Variants in IL25 observed in about 807,000 individuals in gnomAD.
The protein encoded by IL25 is interleukin-25.
Under a neutral mutation model 13.2 loss-of-function variants are expected in IL25, and 10 were observed. That is an observed-to-expected ratio of 0.76 (90% CI 0.47 to 1.29). IL25 has a LOEUF of 1.29. Ranked by LOEUF, IL25 falls within the 50% of genes most tolerant of loss-of-function variation. The pLI is 0.00. For missense variants in IL25, 235 were observed against 232.4 expected (o/e 1.01, Z -0.07); for synonymous variants, 107 against 92.1 (o/e 1.16, Z -0.93).
exon 2 of IL25, chr14:23,376,256 A>G: frequency 4.0e-6 from 1 of 247,794 alleles, no homozygotes; most frequent in African/African-American, 2.3e-5. Flanking sequence ...CCCTGGTTTT[A>G]TTTGTTTGTT....
chr14:23,376,129 G>A (rs1890552273), exon 2 of IL25: 2 of 535,418 alleles, frequency 3.7e-6, no homozygotes, highest in African/African-American at 1.9e-5. Context: ...GGTTTTCAAA[G>A]TTCTGCCCAT....
chr14:23,373,485 C>A, intron 1 of IL25, 89 bp downstream of exon 2: 2 of 1,171,212 alleles, frequency 1.7e-6, no homozygotes, highest in Non-Finnish European at 2.4e-6. Flanking sequence ...CTTACTTTCC[C>A]ATTTTGATCT....
chr14:23,374,732 T>TTCTTTC (rs1555331961), intron 1 of IL25, among the ~76,000 whole-genome samples: 23 of 72,214 alleles, frequency 3.2e-4, no homozygotes, highest in African/African-American at 1.5e-3. Context: ...CTTTCTTTCT[T>TTCTTTC]TTTTTTTTTT....
chr14:23,374,269 G>A (rs1209216312), intron 1 of IL25, among the ~76,000 whole-genome samples: 2 of 152,124 alleles, frequency 1.3e-5, no homozygotes, highest in African/African-American at 4.8e-5. Flanking sequence ...TAGGGGAGGC[G>A]GGTGCCAGAG....
exon 1 of IL25, chr14:23,373,197 G>A: frequency 6.2e-7 from 1 of 1,614,226 alleles, no homozygotes; most frequent in Non-Finnish European, 8.5e-7. Context: ...CTTGGCAATG[G>A]TCATGGGAAC....
At position 23,375,832 on chromosome 14, in the gene IL25, C is replaced by A. The variant is rs199941252; in HGVS notation, c.486C>A (p.Tyr162Ter). ...GCTACTGCCTGGAGCGCAGGCTGTA[C>A]CGTGTTTCCTTAGCTTGTGTGTGTG... The change falls in exon 2 of 2, where the codon TAC becomes TAA. Residue 162 changes from tyrosine (Y) to a stop codon, truncating the protein, a stop_gained. Transcript: ENST00000329715. LOFTEE classifies it high-confidence loss of function. The A allele has an allele frequency of 5.6e-6, 9 of 1,614,108 alleles. No homozygotes were observed. Among genetic ancestry groups the A allele is most frequent in the Non-Finnish European group, 5.1e-6 (6 of 1,180,056 alleles).
chr14:23,373,524 G>C, intron 1 of IL25, 128 bp downstream of exon 2: 3 of 778,580 alleles, frequency 3.9e-6, no homozygotes, highest in Non-Finnish European at 6.0e-6. Context: ...TTGGGAGTTA[G>C]ACAAGGTCTG....
At position 23,373,410 on chromosome 14, in the gene IL25, C is replaced by G. The variant is rs778923677; in HGVS notation, c.278+14C>G. ...CTGGAGATATGAGTGAGTCTGCTGCCCCTCCCGAATGCCTGCCCTGTGTGT... is the reference window on the plus strand; with the variant it reads ...CTGGAGATATGAGTGAGTCTGCTGCGCCTCCCGAATGCCTGCCCTGTGTGT... On this transcript the variant is annotated intron_variant, in intron 1 of 1. Transcript: ENST00000329715. The G allele has an allele frequency of 1.9e-6, 3 of 1,597,964 alleles. No homozygotes were observed. The Admixed American group carries it at 5.0e-5, about 27-fold the overall frequency.
At chr14:23,373,487 T>G in intron 1 of IL25, 91 bp downstream of exon 2, 2 of 1,163,134 alleles carry the variant, frequency 1.7e-6, no homozygotes, top group Non-Finnish European at 2.4e-6. Flanking sequence ...TACTTTCCCA[T>G]TTTGATCTCA....
At chr14:23,375,528 C>G (rs1341710950) in intron 1 of IL25, 97 bp from the exon 3 acceptor site, 3 of 1,463,154 alleles carry the variant, frequency 2.1e-6, no homozygotes, top group Non-Finnish European at 2.8e-6. Flanking sequence ...GCCAAGGCCC[C>G]AGACGGACCA....
In IL25 at chr14:23,373,279, G is replaced by A; in HGVS notation, c.161G>A (p.Trp54Ter). Residue 54 changes from tryptophan (W) to a stop codon, truncating the protein, a stop_gained, in exon 1 of 2, where the codon TGG becomes TAG. Coordinates refer to ENST00000329715, the Ensembl canonical transcript of IL25. LOFTEE classifies it high-confidence loss of function. Reference sequence around the variant, plus strand: ...GACACCTCTGAGGAGCTGCTGAGGTGGAGCACTGTGCCTGTGCCTCCCCTA... The same window carrying A: ...GACACCTCTGAGGAGCTGCTGAGGTAGAGCACTGTGCCTGTGCCTCCCCTA... 1 of 1,614,186 alleles carries A rather than the reference G, an allele frequency of 6.2e-7. No homozygotes were observed. Among genetic ancestry groups the A allele is most frequent in the Non-Finnish European group, 8.5e-7 (1 of 1,180,038 alleles).
At chr14:23,374,822 C>T (rs572169953) in intron 1 of IL25, among the ~76,000 whole-genome samples, 18 of 151,814 alleles carry the variant, frequency 1.2e-4, no homozygotes, top group African/African-American at 4.1e-4. Flanking sequence ...GCTTGCACAG[C>T]GTCTGGAAGA....
At chr14:23,374,403 T>A (rs2138559182) in intron 1 of IL25, among the ~76,000 whole-genome samples, 1 of 152,278 alleles carries the variant, frequency 6.6e-6, no homozygotes, top group East Asian at 1.9e-4. Context: ...CAGAAAAAAG[T>A]GATGCCAGGT....
Position 23,373,162 on chromosome 14 carries a change from G to A in IL25, c.44G>A (p.Ser15Asn), listed in dbSNP as rs756681310. 6.2e-7 allele frequency: 1 copy of A among 1,614,220 alleles called. No individual in the cohort carries two copies. Among genetic ancestry groups the A allele is most frequent in the South Asian group, 1.1e-5 (1 of 91,086 alleles). Residue 15 changes from serine (S) to asparagine (N), a missense_variant, in exon 1 of 2, where the codon AGC (serine) becomes AAC (asparagine). Physicochemically the swap from Ser to Asn is conservative, Grantham distance 46 (BLOSUM62 1). Coordinates refer to ENST00000329715, the Ensembl canonical transcript of IL25. ...TTAGGTGAGGACAGTTCTCTCATTA[G>A]CCTTTTCCTACAGGTGGTTGCATTC...
chr14:23,375,530 G>A, intron 1 of IL25, 95 bp from the exon 3 acceptor site: 1 of 1,480,464 alleles, frequency 6.8e-7, no homozygotes, highest in South Asian at 1.3e-5. Context: ...CAAGGCCCCA[G>A]ACGGACCATT....
intron 1 of IL25, 70 bp downstream of exon 2, chr14:23,373,466 C>A (rs1890468600): frequency 2.2e-6 from 3 of 1,342,022 alleles, no homozygotes; most frequent in Non-Finnish European, 3.1e-6. Flanking sequence ...GGGACCAGGG[C>A]AATTCCAGCT....
At chr14:23,373,240 C>A (rs1890460484) in exon 1 of IL25, 2 of 1,614,086 alleles carry the variant, frequency 1.2e-6, no homozygotes, top group Non-Finnish European at 1.7e-6. Flanking sequence ...AGCTGCTGCC[C>A]CAGCAAAGGG....
intron 1 of IL25, among the ~76,000 whole-genome samples, chr14:23,374,580 G>T (rs1186652862): frequency 6.6e-6 from 1 of 152,204 alleles, no homozygotes; most frequent in Non-Finnish European, 1.5e-5. Flanking sequence ...CCCACTTTGG[G>T]AAGTGATGTG....
exon 1 of IL25, chr14:23,373,139 A>G (rs1203355231): frequency 6.2e-7 from 1 of 1,614,188 alleles, no homozygotes. Context: ...GACCCAGATT[A>G]GGTGAGGACA....
Sources: allele counts gnomAD v4.1 joint callset (sites outside exome capture counted in the v4.1 genomes callset), GRCh38; gene constraint gnomAD v4.1.1; transcripts MANE v1.5; gene names NCBI Gene and HGNC (gene_info 2026-07-23, HGNC 2026-07-21).